Variants in CP observed in about 807,000 individuals in gnomAD.
CP encodes the protein caeruloplasmin.
In CP, 64 loss-of-function variants were observed where a neutral mutation model predicts 122.4. That is an observed-to-expected ratio of 0.52 (90% CI 0.43 to 0.64). The LOEUF is 0.64. CP is among the 30% of genes least tolerant of loss of function. The pLI is 0.00. For synonymous variants in CP, 440 were observed against 436.4 expected, an observed-to-expected ratio of 1.01 and a Z score of -0.10; for missense variants, 1,167 against 1,284.4, an observed-to-expected ratio of 0.91 and a Z score of 1.40.
At chr3:149,215,545 T>C (rs1034491490) in intron 1 of CP, among the ~76,000 whole-genome samples, 6 of 152,224 alleles carry the variant, frequency 3.9e-5, no homozygotes, top group African/African-American at 1.4e-4. Flanking sequence ...AAAAACTGTC[T>C]TAACCAAACT....
intron 9 of CP, among the ~76,000 whole-genome samples, chr3:149,191,624 A>C (rs555967430): frequency 1.2e-3 from 185 of 149,132 alleles, no homozygotes; most frequent in Non-Finnish European, 2.3e-3. Flanking sequence ...TACCCATCAT[A>C]ATAAGGCAAG....
At chr3:149,200,077 A>AT in intron 7 of CP, 1 of 562,264 alleles carries the variant, frequency 1.8e-6, no homozygotes, top group East Asian at 3.1e-5. Context: ...TCAACTTCAG[A>AT]TTAATGAAAT....
intron 9 of CP, among the ~76,000 whole-genome samples, chr3:149,192,038 C>T (rs1490290588): frequency 1.3e-5 from 2 of 151,822 alleles, no homozygotes; most frequent in African/African-American, 4.8e-5. Context: ...TTTAGTTTAA[C>T]AAAATTATAT....
At chr3:149,192,512 A>G (rs1359516519) in intron 9 of CP, among the ~76,000 whole-genome samples, 2 of 151,746 alleles carry the variant, frequency 1.3e-5, no homozygotes, top group East Asian at 3.9e-4. Flanking sequence ...AAGAATTGAT[A>G]ATTTGGCTAT....
chr3:149,162,877 T>C lies in CP; in HGVS notation c.*14-2A>G, dbSNP rs148688043. 5 of 1,612,052 alleles carry C rather than the reference T, an allele frequency of 3.1e-6. No homozygotes were observed. The highest frequency in any genetic ancestry group is 4.2e-6 in the Non-Finnish European group (5 of 1,178,262). On this transcript the variant is annotated splice_acceptor_variant, in intron 5 of 5. Coordinates refer to the CP transcript ENST00000479771. LOFTEE classifies it low-confidence loss of function (3UTR_SPLICE). ...ACACCATTGCGAACATCGGAGGATC[T>C]GGTAAGATAATGGAATAATACCTTA...
chr3:149,177,940 G>A lies in CP; in HGVS notation c.2918C>T (p.Thr973Ile), dbSNP rs150192298. Residue 973 changes from threonine (T) to isoleucine (I), a missense_variant, in exon 17 of 19, where the codon ACA becomes ATA. Thr to Ile is a moderately conservative substitution (Grantham distance 89). This residue lies in a region of CP where 525 missense variants were observed against 657.2 expected (regional missense o/e 0.80). Transcript: ENST00000264613. ...GTTGACTTCATCTCCCACGTGCATT[G>A]TGAGGCCTTGTAGGTTTCCAAACAT... Reference protein sequence around the residue: ...GRMFGNLQGLTMHVGDEVNWY... With the variant: ...GRMFGNLQGLIMHVGDEVNWY... 1.9e-6 allele frequency: 3 copies of A among 1,613,532 alleles called. No homozygotes were observed. Among genetic ancestry groups the A allele is most frequent in the East Asian group, 2.2e-5 (1 of 44,880 alleles).
At chr3:149,221,595 T>C (rs1277426671) in intron 1 of CP, 52 bp downstream of exon 1, 2 of 1,555,866 alleles carry the variant, frequency 1.3e-6, no homozygotes, top group African/African-American at 2.8e-5. Context: ...GGCTCTATCC[T>C]TTAAAAATAA....
intron 6 of CP, among the ~76,000 whole-genome samples, chr3:149,204,734 G>A (rs1197453591): frequency 2.0e-5 from 3 of 152,176 alleles, no homozygotes; most frequent in Admixed American, 6.5e-5. Context: ...TATGAGTAAA[G>A]ACTTGGAGCA....
At chr3:149,218,871 C>T (rs1013868066) in intron 1 of CP, among the ~76,000 whole-genome samples, 2 of 152,110 alleles carry the variant, frequency 1.3e-5, no homozygotes, top group Non-Finnish European at 1.5e-5. Context: ...AGCTTAAACT[C>T]GATTCTTTAC....
intron 1 of CP, among the ~76,000 whole-genome samples, chr3:149,213,973 C>T (rs1397166663): frequency 6.6e-6 from 1 of 152,150 alleles, no homozygotes; most frequent in Non-Finnish European, 1.5e-5. Context: ...AATGCAAACT[C>T]CTGGGACACA....
chr3:149,215,106 T>C (rs1176163213), intron 1 of CP, among the ~76,000 whole-genome samples: 1 of 152,252 alleles, frequency 6.6e-6, no homozygotes, highest in African/African-American at 2.4e-5. Context: ...TACCATGTCC[T>C]ATTGGTACAC....
intron 4 of CP, among the ~76,000 whole-genome samples, chr3:149,208,105 A>G (rs1187323940): frequency 6.6e-6 from 1 of 152,118 alleles, no homozygotes; most frequent in Non-Finnish European, 1.5e-5. Context: ...TTTTTTTTAA[A>G]GATTGCAAGA....
Position 149,185,417 on chromosome 3 carries a change from C to G in CP, c.2107G>C (p.Asp703His). ...GTFNVECLTT[D>H]HYTGGMKQKY... ...TGCTTCATGCCGCCTGTGTAATGATCAGTTGTAAGGCATTCAACATTAAAA... is the reference window on the plus strand; with the variant it reads ...TGCTTCATGCCGCCTGTGTAATGATGAGTTGTAAGGCATTCAACATTAAAA... The change falls in exon 12 of 19, where the codon GAT becomes CAT. Residue 703 changes from aspartate (D) to histidine (H), a missense_variant. Transcript: ENST00000264613. 6.2e-7 allele frequency: 1 copy of G among 1,614,068 alleles called. No individual in the cohort carries two copies. The highest frequency in any genetic ancestry group is 2.2e-5 in the East Asian group (1 of 44,884).
At position 149,202,195 on chromosome 3, in the gene CP, A is replaced by C; in HGVS notation, c.1255T>G (p.Ser419Ala). The C allele has an allele frequency of 1.2e-6, 2 of 1,614,144 alleles. No homozygotes were observed. Among genetic ancestry groups the C allele is most frequent in the Non-Finnish European group, 1.7e-6 (2 of 1,180,018 alleles). ...TCACGATAAACCAGCTTTTTATAAGAGCCTCCAATTCTTGTGGTACCTTGT... is the reference window on the plus strand; with the variant it reads ...TCACGATAAACCAGCTTTTTATAAGCGCCTCCAATTCTTGTGGTACCTTGT... ...FEQGTTRIGG[S>A]YKKLVYREYT... The change falls in exon 7 of 19, where the codon TCT (serine) becomes GCT (alanine). Residue 419 changes from serine (S) to alanine (A), a missense_variant. Physicochemically the swap from Ser to Ala is moderately conservative, Grantham distance 99. Transcript: ENST00000264613.
At chr3:149,168,884 C>T (rs546716234), downstream of CP, among the ~76,000 whole-genome samples, 17 of 152,250 alleles carry the variant, frequency 1.1e-4, no homozygotes, top group Admixed American at 9.8e-4. Context: ...AGACATCCCA[C>T]ATCTTTACAC....
rs781513940 is a variant in CP, at chr3:149,199,765, T to C, written c.1448A>G (p.Asn483Ser). The change falls in exon 8 of 19, where the codon AAT becomes AGT. Residue 483 changes from asparagine to serine, a missense_variant. Transcript: ENST00000264613. ...ATAGTATGTGCCCTCGTTGTTCTTA[T>C]TGAATCTCACCCCAATCGGCTCAAT... ...LSIEPIGVRF[N>S]KNNEGTYYSP... 1 of 1,614,200 alleles carries C rather than the reference T, an allele frequency of 6.2e-7. No homozygotes were observed. Among genetic ancestry groups the C allele is most frequent in the Non-Finnish European group, 8.5e-7 (1 of 1,180,014 alleles).
intron 11 of CP, among the ~76,000 whole-genome samples, chr3:149,185,659 C>T (rs575662175): frequency 1.3e-5 from 2 of 152,276 alleles, no homozygotes; most frequent in South Asian, 4.1e-4. Flanking sequence ...GCTGTTTCCT[C>T]TGCCTTCTCC....
intron 12 of CP, among the ~76,000 whole-genome samples, chr3:149,184,020 AC>A (rs1725967585): frequency 2.3e-5 from 2 of 86,606 alleles, no homozygotes; most frequent in Non-Finnish European, 5.3e-5. Flanking sequence ...TTCCCTTTTC[AC>A]TTACTTCTTT....
At chr3:149,204,160 G>C (rs553571658) in intron 6 of CP, among the ~76,000 whole-genome samples, 1 of 152,328 alleles carries the variant, frequency 6.6e-6, no homozygotes, top group South Asian at 2.1e-4. Context: ...GAGATAAGCA[G>C]TAGGACCTAG....
Sources: allele counts gnomAD v4.1 joint callset (sites outside exome capture counted in the v4.1 genomes callset), GRCh38; gene constraint gnomAD v4.1.1; regional missense constraint gnomAD v4.1.1; transcripts MANE v1.5; gene names NCBI Gene and HGNC (gene_info 2026-07-23, HGNC 2026-07-21).